RASGRF1: variants seen among roughly 807,000 people sequenced by gnomAD.
RASGRF1 encodes the protein ras-specific guanine nucleotide-releasing factor 1.
A neutral mutation model predicts 138.7 loss-of-function variants in RASGRF1; 40 were observed. That is an observed-to-expected ratio of 0.29 (90% CI 0.22 to 0.38). The LOEUF is 0.38. RASGRF1 is among the 10% of genes least tolerant of loss of function. The pLI is 1.00. For missense variants in RASGRF1, 1,108 were observed against 1,650.4 expected (o/e 0.67, Z 5.69); for synonymous variants, 614 against 663.2 (o/e 0.93, Z 1.14).
chr15:79,001,292 C>T (rs1345955961), intron 16 of RASGRF1, among the ~76,000 whole-genome samples: 1 of 150,188 alleles, frequency 6.7e-6, no homozygotes, highest in Non-Finnish European at 1.5e-5. Flanking sequence ...GCCTCCCTGC[C>T]CACCTGTGCT....
At chr15:78,990,451 G>A (rs1230827264) in intron 21 of RASGRF1, among the ~76,000 whole-genome samples, 178 bp from the exon 22 acceptor site, 1 of 152,294 alleles carries the variant, frequency 6.6e-6, no homozygotes, top group Admixed American at 6.5e-5. Flanking sequence ...CTGCCTTGTC[G>A]CAGCTGTGTG....
intron 1 of RASGRF1, among the ~76,000 whole-genome samples, chr15:79,086,583 C>T (rs914277524): frequency 6.6e-6 from 1 of 151,738 alleles, no homozygotes; most frequent in Non-Finnish European, 1.5e-5. Flanking sequence ...AGACCCCCCC[C>T]CCCCAGCTTC....
At chr15:78,970,389 C>G (rs947157955) in intron 26 of RASGRF1, among the ~76,000 whole-genome samples, 1 of 151,954 alleles carries the variant, frequency 6.6e-6, no homozygotes, top group Non-Finnish European at 1.5e-5. Flanking sequence ...GGCATAGTGG[C>G]GTGCCAGACC....
At chr15:79,080,977 CCT>C (rs945453183) in intron 1 of RASGRF1, among the ~76,000 whole-genome samples, 2 of 152,214 alleles carry the variant, frequency 1.3e-5, no homozygotes, top group Admixed American at 6.5e-5. Flanking sequence ...GAGGATCGTG[CCT>C]CTCTTATGTA....
At chr15:79,023,994 A>T (rs1276090326) in intron 10 of RASGRF1, among the ~76,000 whole-genome samples, 1 of 149,658 alleles carries the variant, frequency 6.7e-6, no homozygotes, top group African/African-American at 2.5e-5. Context: ...CATATCTCAC[A>T]CATAGACACA....
In RASGRF1 at chr15:79,019,783, C is replaced by T. The variant is rs546138772; in HGVS notation, c.1606+258G>A. ...CAGGAAGGTGGATCAGGGTCATCAC[C>T]TGCCGGGCTGGGAGCTCTTTCTTTA... On this transcript the variant is annotated intron_variant, in intron 11 of 26. Transcript: ENST00000558480. Among the ~76,000 whole-genome samples, 7 of 152,340 alleles carry T rather than the reference C, an allele frequency of 4.6e-5. No homozygotes were observed. The South Asian group carries it at 1.5e-3, about 32-fold the overall frequency.
At position 79,049,383 on chromosome 15, in the gene RASGRF1, G is replaced by T. The variant is rs938817055; in HGVS notation, c.624+113C>A. ...TCTGTCTTTGGAGCTGAGGTTGGGG[G>T]ATGGGGGGCACGCTCTGAGGACAGT... On this transcript the variant is annotated intron_variant, in intron 4 of 26. Transcript: ENST00000558480. 5.2e-6 allele frequency: 5 copies of T among 955,930 alleles called. No individual in the cohort carries two copies. The Admixed American group carries it at 6.2e-5, about 12-fold the overall frequency. 59.2% of individuals were successfully genotyped at this position (955,930 alleles called of 1,614,324 possible). A position where few individuals can be genotyped will look rare whatever the true frequency, so the allele number is the denominator to read the frequency against.
At chr15:79,079,893 C>T (rs2057891481) in intron 1 of RASGRF1, among the ~76,000 whole-genome samples, 1 of 152,216 alleles carries the variant, frequency 6.6e-6, no homozygotes, top group African/African-American at 2.4e-5. Context: ...ATCTGGACAC[C>T]AGGACACACC....
chr15:79,044,735 C>T (rs1363289310), intron 5 of RASGRF1, among the ~76,000 whole-genome samples: 1 of 152,222 alleles, frequency 6.6e-6, no homozygotes, highest in Non-Finnish European at 1.5e-5. Flanking sequence ...AAAATATCAG[C>T]TTCATGAGAA....
At chr15:79,030,378 A>AC (rs2057120103) in intron 8 of RASGRF1, among the ~76,000 whole-genome samples, 1 of 151,746 alleles carries the variant, frequency 6.6e-6, no homozygotes, top group Admixed American at 6.6e-5. Flanking sequence ...CAGGGTGCAT[A>AC]CCCCCGGGCT....
chr15:79,015,425 G>C lies in RASGRF1; in HGVS notation c.1744-16C>G. 6.2e-7 allele frequency: 1 copy of C among 1,606,494 alleles called. No homozygotes were observed. The highest frequency in any genetic ancestry group is 8.5e-7 in the Non-Finnish European group (1 of 1,173,020). The stretch of plus-strand genomic sequence containing the variant: ...TATCCACACACTGGAATCAGAGAGA[G>C]GACCCCAGGGTCAGAGCTCTCCATT... On this transcript the variant is annotated splice_polypyrimidine_tract_variant and intron_variant, in intron 12 of 26. Coordinates refer to ENST00000558480, the MANE Select transcript of RASGRF1 (RefSeq NM_001145648.3).
At chr15:78,963,866 A>T (rs911946353) in intron 26 of RASGRF1, among the ~76,000 whole-genome samples, 1 of 152,220 alleles carries the variant, frequency 6.6e-6, no homozygotes, top group African/African-American at 2.4e-5. Flanking sequence ...TGACCATGTG[A>T]AATAGTCTTT....
intron 23 of RASGRF1, among the ~76,000 whole-genome samples, chr15:78,982,078 G>A (rs1241001138): frequency 1.3e-5 from 2 of 152,146 alleles, no homozygotes; most frequent in East Asian, 3.9e-4. Context: ...CTGGCATGCC[G>A]ACTGGCAAAT....
At chr15:78,982,323 A>C (rs946681131) in intron 23 of RASGRF1, among the ~76,000 whole-genome samples, 5 of 152,186 alleles carry the variant, frequency 3.3e-5, no homozygotes, top group Non-Finnish European at 7.3e-5. Flanking sequence ...TGGGCTGGGC[A>C]CGTTTTTAAC....
intron 19 of RASGRF1, among the ~76,000 whole-genome samples, chr15:78,997,470 T>G (rs1401703325): frequency 3.3e-5 from 5 of 152,178 alleles, no homozygotes; most frequent in African/African-American, 1.2e-4. Context: ...TAGTGGCTCA[T>G]GCCTGTAATC....
chr15:79,090,071 G>A (rs981036167), intron 1 of RASGRF1, 152 bp downstream of exon 1: 12 of 1,183,854 alleles, frequency 1.0e-5, no homozygotes, highest in Non-Finnish European at 1.4e-5. Flanking sequence ...CTGGCTGGGA[G>A]CAAGCCTCCC....
intron 5 of RASGRF1, among the ~76,000 whole-genome samples, chr15:79,040,336 C>T (rs2057280783): frequency 6.6e-6 from 1 of 152,190 alleles, no homozygotes; most frequent in South Asian, 2.1e-4. Context: ...AGACTGTTGT[C>T]AGTGGGCCCC....
chr15:78,993,276 G>C (rs1345569001), intron 20 of RASGRF1, among the ~76,000 whole-genome samples: 1 of 150,608 alleles, frequency 6.6e-6, no homozygotes, highest in Admixed American at 6.6e-5. Flanking sequence ...TGTGTGTGGT[G>C]TGTGTGTGGT....
chr15:79,046,683 C>A lies in RASGRF1; in HGVS notation c.878+63G>T, dbSNP rs1163013369. ...AACCACGTGAGAGAGTGTGTCAAAG[C>A]TTAGCTGCGGCCAATGCTCACTAGT... is the stretch of plus-strand genomic sequence containing the variant. On this transcript the variant is annotated intron_variant, in intron 5 of 26. Coordinates refer to ENST00000558480, the MANE Select transcript of RASGRF1 (RefSeq NM_001145648.3). The surrounding 1 kb of genome is among the most constrained non-coding windows in gnomAD (Gnocchi z 5.3). 23 of 1,595,376 alleles carry A rather than the reference C, an allele frequency of 1.4e-5. No individual in the cohort carries two copies. Among genetic ancestry groups the A allele is most frequent in the Non-Finnish European group, 2.6e-6 (3 of 1,167,116 alleles).
Sources: allele counts gnomAD v4.1 joint callset (sites outside exome capture counted in the v4.1 genomes callset), GRCh38; gene constraint gnomAD v4.1.1; non-coding constraint Gnocchi (gnomAD v3.1); transcripts MANE v1.5; gene names NCBI Gene and HGNC (gene_info 2026-07-23, HGNC 2026-07-21).